Variants in FERMT3 observed in about 807,000 individuals in gnomAD.
FERMT3 encodes the protein FERM domain containing kindlin 3.
FERMT3 carries 33 observed loss-of-function variants against 80.8 expected under a neutral mutation model. The observed-to-expected ratio is 0.41, with a 90% CI of 0.31 to 0.55. The LOEUF (loss-of-function observed/expected upper bound fraction) is 0.55, where lower values mean the gene tolerates loss of function less well. Among genes scored for constraint, FERMT3 ranks in the 20% least tolerant of loss-of-function variants. The pLI is 0.31. For missense variants in FERMT3, 754 were observed against 908.7 expected (o/e 0.83, Z 2.19); for synonymous variants, 375 against 372.2 (o/e 1.01, Z -0.09).
intron 14 of FERMT3, 41 bp from the exon 15 acceptor site, chr11:64,223,272 C>T (rs1946759511): frequency 6.2e-7 from 1 of 1,613,232 alleles, no homozygotes; most frequent in South Asian, 1.1e-5. Flanking sequence ...GGGGCTGCTC[C>T]CTTATCCCAC....
chr11:64,219,929 G>GGGT lies in FERMT3; in HGVS notation c.1123_1125dup (p.Val375dup). 6.2e-7 allele frequency: 1 copy of GGGT among 1,613,956 alleles called. No individual in the cohort carries two copies. The highest frequency in any genetic ancestry group is 8.5e-7 in the Non-Finnish European group (1 of 1,180,012). On this transcript the variant is annotated inframe_insertion, in exon 10 of 15. Coordinates refer to ENST00000345728, the MANE Select transcript of FERMT3 (RefSeq NM_031471.6). This position sits in a 1 kb window ranked among gnomAD's most constrained non-coding sequence, Gnocchi z 4.0. ...ACCCTGAAGGGCTACCGCCAACACTGGGTGGTGTTCAAGGAGACCACACTG... is the reference window on the plus strand; with the variant it reads ...ACCCTGAAGGGCTACCGCCAACACTGGGTGGTGGTGTTCAAGGAGACCACACTG...
At position 64,214,584 on chromosome 11, in the gene FERMT3, C is replaced by T. The variant is rs146948336; in HGVS notation, c.786+2837C>T. Among the ~76,000 whole-genome samples the T allele has an allele frequency of 4.1e-3, 628 of 151,890 alleles. 7 individuals are homozygous for T. The highest frequency in any genetic ancestry group is 0.014 in the African/African-American group (577 of 41,440). On this transcript the variant is annotated intron_variant, in intron 6 of 14. Transcript: ENST00000345728. The stretch of plus-strand genomic sequence containing the variant: ...CTGGTCTCAAACTCCTGCCCTCAGG[C>T]GATCCACCTGCCTCAACCTCCCAAT...
Position 64,210,392 on chromosome 11 carries a change from T to C in FERMT3, c.161-219T>C, listed in dbSNP as rs1946409415. Among the ~76,000 whole-genome samples, 2 of 152,110 alleles carry C rather than the reference T, an allele frequency of 1.3e-5. No homozygotes were observed. Among genetic ancestry groups the C allele is most frequent in the Non-Finnish European group, 2.9e-5 (2 of 67,988 alleles). ...GTTGGAGAGCTCCCCTGGGAAGCGA[T>C]ATAGAAGCCAAGCCTAGAAGGCCAA... On this transcript the variant is annotated intron_variant, in intron 2 of 14. Coordinates refer to ENST00000345728, the MANE Select transcript of FERMT3 (RefSeq NM_031471.6). The surrounding 1 kb of genome is among the most constrained non-coding windows in gnomAD (Gnocchi z 4.3).
intron 13 of FERMT3, among the ~76,000 whole-genome samples, chr11:64,222,065 C>T (rs1946697432): frequency 6.6e-6 from 1 of 151,464 alleles, no homozygotes; most frequent in African/African-American, 2.4e-5. Context: ...ATGGTGAAAC[C>T]CTGTATCTAC....
Position 64,223,683 on chromosome 11 carries a change from A to T in FERMT3, c.*191A>T. ...CGCTGTACCATCACCCAGGCCAGGG[A>T]TGGGGGTGGGGGTCCCTGAGCTCAT... On this transcript the variant is annotated 3_prime_UTR_variant, in exon 15 of 15. Transcript: ENST00000345728. 2.4e-6 allele frequency: 2 copies of T among 817,392 alleles called. No individual in the cohort carries two copies. The highest frequency in any genetic ancestry group is 5.3e-5 in the East Asian group (2 of 37,472). The allele number at this position is 817,392 out of a possible 1,614,324, so 50.6% of individuals were successfully genotyped here.
In FERMT3 at chr11:64,210,363, C is replaced by T. The variant is rs1279708497; in HGVS notation, c.161-248C>T. On this transcript the variant is annotated intron_variant, in intron 2 of 14. Coordinates refer to ENST00000345728, the MANE Select transcript of FERMT3 (RefSeq NM_031471.6). This position sits in a 1 kb window ranked among gnomAD's most constrained non-coding sequence, Gnocchi z 4.3. ...GCGCTAAGATTGGGGCACTCAGATG[C>T]TGGGTTGGAGAGCTCCCCTGGGAAG... 6.6e-6 allele frequency among the ~76,000 whole-genome samples: 1 copy of T among 152,164 alleles called. No homozygotes were observed. Among genetic ancestry groups the T allele is most frequent in the Non-Finnish European group, 1.5e-5 (1 of 68,022 alleles).
At chr11:64,213,360 C>T (rs191507923) in intron 6 of FERMT3, among the ~76,000 whole-genome samples, 2 of 150,190 alleles carry the variant, frequency 1.3e-5, no homozygotes, top group East Asian at 3.9e-4. Flanking sequence ...AGGCTGGTCT[C>T]GAACTCCTGA....
At chr11:64,221,166 C>T (rs1381431365) in intron 13 of FERMT3, 26 bp downstream of exon 13, 2 of 1,602,028 alleles carry the variant, frequency 1.2e-6, no homozygotes, top group Non-Finnish European at 1.7e-6. Flanking sequence ...CAGCCCCCTG[C>T]CCAGCACCGT....
At chr11:64,214,298 G>T (rs1232261969) in intron 6 of FERMT3, among the ~76,000 whole-genome samples, 2 of 150,290 alleles carry the variant, frequency 1.3e-5, no homozygotes, top group Non-Finnish European at 3.0e-5. Context: ...CTCCCAAGTA[G>T]CTGGGACTGC....
rs1426503375 is a variant in FERMT3, at chr11:64,208,987, T to G, written c.160+1463T>G. Among the ~76,000 whole-genome samples the G allele has an allele frequency of 6.6e-5, 10 of 152,090 alleles. No individual in the cohort carries two copies. The East Asian group carries it at 1.9e-3, about 30-fold the overall frequency. ...CCCCTGAGGAGGCTGTGGTCCTGGT[T>G]AGAGACACCAGGGCCTCCTAAGGCC... is the stretch of plus-strand genomic sequence containing the variant. On this transcript the variant is annotated intron_variant, in intron 2 of 14. Coordinates refer to ENST00000345728, the MANE Select transcript of FERMT3 (RefSeq NM_031471.6).
intron 2 of FERMT3, chr11:64,207,846 G>T (rs1164952812): frequency 7.8e-6 from 2 of 255,946 alleles, no homozygotes; most frequent in Non-Finnish European, 1.5e-5. Context: ...GGTCTGAGGG[G>T]GTCTAGGTGA....
rs781351939 is a variant in FERMT3 at position 64,221,050 on chromosome 11, T to C, written c.1580T>C (p.Val527Ala). ...CGGATCCTGGAAGCCCACCAGAATGTGGCCCAGTTGTCGCTGGCAGAGGCC... is the reference window on the plus strand; with the variant it reads ...CGGATCCTGGAAGCCCACCAGAATGCGGCCCAGTTGTCGCTGGCAGAGGCC... ...TPRILEAHQN[V>A]AQLSLAEAQL... The change falls in exon 13 of 15, where the codon GTG becomes GCG. Residue 527 changes from valine to alanine, a missense_variant. Transcript: ENST00000345728. The C allele has an allele frequency of 6.2e-7, 1 of 1,612,890 alleles. No homozygotes were observed. Among genetic ancestry groups the C allele is most frequent in the Non-Finnish European group, 8.5e-7 (1 of 1,180,016 alleles).
At position 64,223,667 on chromosome 11, in the gene FERMT3, A is replaced by T. The variant is rs887435844; in HGVS notation, c.*175A>T. 2 of 860,914 alleles carry T rather than the reference A, an allele frequency of 2.3e-6. No individual in the cohort carries two copies. Among genetic ancestry groups the T allele is most frequent in the East Asian group, 2.7e-5 (1 of 37,646 alleles). 53.3% of individuals were successfully genotyped at this position (860,914 alleles called of 1,614,324 possible). ...ACCTGGCAGGGCCAGACGCTGTACC[A>T]TCACCCAGGCCAGGGATGGGGGTGG... On this transcript the variant is annotated 3_prime_UTR_variant, in exon 15 of 15. Coordinates refer to ENST00000345728, the MANE Select transcript of FERMT3 (RefSeq NM_031471.6).
At chr11:64,208,151 TG>T (rs1238651041) in intron 2 of FERMT3, among the ~76,000 whole-genome samples, 1 of 58,098 alleles carries the variant, frequency 1.7e-5, no homozygotes, top group Non-Finnish European at 3.9e-5. Context: ...TGCCAGTGGG[TG>T]GGGGGTGGGT....
In FERMT3 at chr11:64,210,033, G is replaced by A. The variant is rs747125924; in HGVS notation, c.161-578G>A. On this transcript the variant is annotated intron_variant, in intron 2 of 14. Transcript: ENST00000345728. This position sits in a 1 kb window ranked among gnomAD's most constrained non-coding sequence, Gnocchi z 4.3. Reference sequence around the variant, plus strand: ...GCTGCAAACCCTGCAGCTACCACATGGGAGGCCTTGTTCCGTGTCCCAGTT... The same window carrying A: ...GCTGCAAACCCTGCAGCTACCACATAGGAGGCCTTGTTCCGTGTCCCAGTT... Among the ~76,000 whole-genome samples the A allele has an allele frequency of 5.9e-5, 9 of 152,208 alleles. No homozygotes were observed. The highest frequency in any genetic ancestry group is 1.3e-4 in the Non-Finnish European group (9 of 68,034).
In FERMT3 at chr11:64,219,818, T is replaced by G. The variant is rs753667231; in HGVS notation, c.1079+29T>G. ...AGTTGGGGGCCAGAGTAGGCAGCCC[T>G]GCTGGAGGGGTTGGTCTGCATATGG... On this transcript the variant is annotated intron_variant, in intron 9 of 14. Coordinates refer to ENST00000345728, the MANE Select transcript of FERMT3 (RefSeq NM_031471.6). The surrounding 1 kb of genome is among the most constrained non-coding windows in gnomAD (Gnocchi z 4.0). 1 of 1,613,968 alleles carries G rather than the reference T, an allele frequency of 6.2e-7. No individual in the cohort carries two copies. Among genetic ancestry groups the G allele is most frequent in the Non-Finnish European group, 8.5e-7 (1 of 1,179,988 alleles).
chr11:64,209,113 G>A (rs994188928), intron 2 of FERMT3, among the ~76,000 whole-genome samples: 96 of 152,298 alleles, frequency 6.3e-4, no homozygotes, highest in African/African-American at 2.2e-3. Context: ...GGCCTTTGGC[G>A]CGAGTCCGTG....
rs369541420 is a variant in FERMT3, at chr11:64,219,860, G to A, written c.1080-31G>A. ...TGCATATGGAGGGAGGGGGTGAGGC[G>A]GCCTTTCACAAACCCCAGCATCCCA... On this transcript the variant is annotated intron_variant, in intron 9 of 14. Coordinates refer to ENST00000345728, the MANE Select transcript of FERMT3 (RefSeq NM_031471.6). The surrounding 1 kb of genome is among the most constrained non-coding windows in gnomAD (Gnocchi z 4.0). The A allele has an allele frequency of 3.7e-5, 59 of 1,613,726 alleles. No individual in the cohort carries two copies. Among genetic ancestry groups the A allele is most frequent in the Middle Eastern group, 1.6e-4 (1 of 6,084 alleles).
chr11:64,208,753 G>A (rs1946372753), intron 2 of FERMT3, among the ~76,000 whole-genome samples: 1 of 152,204 alleles, frequency 6.6e-6, no homozygotes, highest in South Asian at 2.1e-4. Flanking sequence ...GACTCGGAGG[G>A]CTGTGAATTA....
Sources: gnomAD v4.1 joint callset for allele counts (sites outside exome capture counted in the v4.1 genomes callset) on GRCh38, gnomAD v4.1.1 for gene constraint, Gnocchi (gnomAD v3.1) non-coding constraint, MANE v1.5 for transcripts, NCBI Gene and HGNC (gene_info 2026-07-23, HGNC 2026-07-21) for gene names.